Variants in AHCYL2 observed in about 807,000 individuals in gnomAD.
AHCYL2 encodes S-adenosylhomocysteine hydrolase-like protein 2.
AHCYL2 carries 28 observed loss-of-function variants against 81.4 expected under a neutral mutation model. The ratio of observed to expected loss-of-function variants is 0.34; its 90% CI spans 0.25 to 0.47. The LOEUF (loss-of-function observed/expected upper bound fraction) is 0.47. Among genes scored for constraint, AHCYL2 ranks in the 20% least tolerant of loss-of-function variants. AHCYL2 has a pLI of 1.00. For synonymous variants in AHCYL2, 272 were observed against 290.2 expected (o/e 0.94, Z 0.64); for missense variants, 551 against 785.1 (o/e 0.70, Z 3.56).
chr7:129,260,456 T>C (rs1384097189), intron 1 of AHCYL2, among the ~76,000 whole-genome samples: 1 of 152,200 alleles, frequency 6.6e-6, no homozygotes, highest in Non-Finnish European at 1.5e-5. Flanking sequence ...CCAGATAGTC[T>C]CTTCTCCATG....
chr7:129,232,234 A>C (rs527493567), intron 1 of AHCYL2, among the ~76,000 whole-genome samples: 88 of 152,114 alleles, frequency 5.8e-4, no homozygotes, highest in African/African-American at 2.0e-3. Flanking sequence ...CTGAATACTT[A>C]CTCCGTGTCA....
rs1276158473 is a variant in AHCYL2, at chr7:129,306,072, G to A, written c.364-73566G>A. Among the ~76,000 whole-genome samples, 11 of 152,156 alleles carry A rather than the reference G, an allele frequency of 7.2e-5. No homozygotes were observed. In the East Asian group the frequency reaches 1.7e-3, roughly 24 times the overall value. ...GGATATTAAGTGCTTTGAGGTAGTC[G>A]TCCTTGGATTAAATCTGCTTGGTGT... On this transcript the variant is annotated intron_variant, in intron 1 of 16. Coordinates refer to ENST00000325006, the MANE Select transcript of AHCYL2 (RefSeq NM_015328.4).
intron 1 of AHCYL2, among the ~76,000 whole-genome samples, chr7:129,333,913 A>G (rs1275454639): frequency 6.6e-6 from 1 of 152,190 alleles, no homozygotes; most frequent in Non-Finnish European, 1.5e-5. Flanking sequence ...CTTATTGTCT[A>G]ATTATACACA....
At chr7:129,264,008 A>ATATTT (rs773814205) in intron 1 of AHCYL2, among the ~76,000 whole-genome samples, 12 of 152,158 alleles carry the variant, frequency 7.9e-5, no homozygotes, top group East Asian at 3.9e-4. Context: ...AGAGGAGAAG[A>ATATTT]TATTTTATTT....
Position 129,366,841 on chromosome 7 carries a change from A to G in AHCYL2, c.364-12797A>G, listed in dbSNP as rs1794140030. Among the ~76,000 whole-genome samples, 4 of 152,272 alleles carry G rather than the reference A, an allele frequency of 2.6e-5. No homozygotes were observed. The South Asian group carries it at 8.3e-4, about 32-fold the overall frequency. ...AAGATTGAGGATGTGCACTCATGAC[A>G]CAGCCTCAGGAGGTCCTGATGACAT... On this transcript the variant is annotated intron_variant, in intron 1 of 16. Coordinates refer to ENST00000325006, the MANE Select transcript of AHCYL2 (RefSeq NM_015328.4).
Position 129,422,850 on chromosome 7 carries a change from G to A in AHCYL2, c.1472G>A (p.Arg491Gln), listed in dbSNP as rs1045110379. 7 of 1,613,820 alleles carry A rather than the reference G, an allele frequency of 4.3e-6. No homozygotes were observed. Among genetic ancestry groups the A allele is most frequent in the African/African-American group, 1.3e-5 (1 of 74,908 alleles). Residue 491 changes from arginine to glutamine, a missense_variant, in exon 13 of 17, where the codon CGG becomes CAG. By Grantham distance (43) the Arg-to-Gln change is conservative. Around this residue, in one of 2 missense-constraint regions of AHCYL2, gnomAD observed 316 missense variants for 543.1 expected, o/e 0.58. Coordinates refer to ENST00000325006, the MANE Select transcript of AHCYL2 (RefSeq NM_015328.4). ...SNTEIDVASLRTPELTWERVR... is the reference protein window; with the variant it reads ...SNTEIDVASLQTPELTWERVR... ...CTGTATGTGTTCCAGGCGAGTCTGC[G>A]GACACCAGAACTGACCTGGGAGCGA...
chr7:129,357,269 T>C (rs1159740890), intron 1 of AHCYL2, among the ~76,000 whole-genome samples: 2 of 152,308 alleles, frequency 1.3e-5, no homozygotes, highest in South Asian at 2.1e-4. Flanking sequence ...TAATAGTTAA[T>C]AGTATTATTA....
At chr7:129,249,323 A>G (rs745582805) in intron 1 of AHCYL2, among the ~76,000 whole-genome samples, 5 of 151,916 alleles carry the variant, frequency 3.3e-5, no homozygotes, top group Admixed American at 2.0e-4. Flanking sequence ...AAAGTGTACA[A>G]TTCATTGGCA....
At chr7:129,312,222 C>T (rs947683178) in intron 1 of AHCYL2, among the ~76,000 whole-genome samples, 3 of 152,084 alleles carry the variant, frequency 2.0e-5, no homozygotes, top group Non-Finnish European at 2.9e-5. Flanking sequence ...GTAGCTGGGA[C>T]CACAAGCGTT....
chr7:129,377,702 TACAA>T (rs1794755332), intron 1 of AHCYL2: 1 of 429,556 alleles, frequency 2.3e-6, no homozygotes. Context: ...TAGGCAATTA[TACAA>T]ACAGAGAAAA....
chr7:129,357,138 G>A (rs936373950), intron 1 of AHCYL2, among the ~76,000 whole-genome samples: 14 of 152,248 alleles, frequency 9.2e-5, no homozygotes, highest in Non-Finnish European at 1.3e-4. Context: ...AAGCTATCAC[G>A]GATTGGAGGA....
At chr7:129,245,442 A>G (rs1407388511) in intron 1 of AHCYL2, among the ~76,000 whole-genome samples, 1 of 151,970 alleles carries the variant, frequency 6.6e-6, no homozygotes, top group East Asian at 1.9e-4. Context: ...CATCACTACT[A>G]CTCATCTTCT....
intron 1 of AHCYL2, among the ~76,000 whole-genome samples, chr7:129,375,353 A>T (rs1024231414): frequency 1.3e-5 from 2 of 152,046 alleles, no homozygotes; most frequent in East Asian, 3.9e-4. Flanking sequence ...TACTCCTTTA[A>T]TGAAGTCTCT....
At chr7:129,382,234 T>G (rs938102040) in intron 2 of AHCYL2, among the ~76,000 whole-genome samples, 1 of 152,216 alleles carries the variant, frequency 6.6e-6, no homozygotes, top group Admixed American at 6.5e-5. Context: ...CACAACTCTC[T>G]AAATATGACA....
At chr7:129,286,422 A>G (rs571812921) in intron 1 of AHCYL2, among the ~76,000 whole-genome samples, 1 of 151,070 alleles carries the variant, frequency 6.6e-6, no homozygotes, top group Admixed American at 6.6e-5. Flanking sequence ...GACAAATATA[A>G]ATATGAGAGG....
chr7:129,230,079 CTTTTT>C (rs35056717), intron 1 of AHCYL2, among the ~76,000 whole-genome samples: 4 of 109,432 alleles, frequency 3.7e-5, no homozygotes, highest in Admixed American at 3.0e-4. Flanking sequence ...TTATTTAATT[CTTTTT>C]TTTTTTTTTT....
At chr7:129,295,829 T>G in intron 1 of AHCYL2, among the ~76,000 whole-genome samples, 1 of 152,244 alleles carries the variant, frequency 6.6e-6, no homozygotes, top group East Asian at 1.9e-4. Context: ...ATCTTAATCC[T>G]TTATTCTTCC....
intron 1 of AHCYL2, among the ~76,000 whole-genome samples, chr7:129,357,429 A>G (rs570857390): frequency 2.0e-5 from 3 of 152,204 alleles, no homozygotes; most frequent in Non-Finnish European, 4.4e-5. Context: ...TTATTTCAAA[A>G]GAAAATGTTT....
chr7:129,279,203 A>G (rs1184880294), intron 1 of AHCYL2, among the ~76,000 whole-genome samples: 1 of 149,662 alleles, frequency 6.7e-6, no homozygotes, highest in African/African-American at 2.5e-5. Flanking sequence ...TATCTGTACC[A>G]TCTTGTGGAC....
Sources: allele counts gnomAD v4.1 joint callset (sites outside exome capture counted in the v4.1 genomes callset), GRCh38; gene constraint gnomAD v4.1.1; regional missense constraint gnomAD v4.1.1; transcripts MANE v1.5; gene names NCBI Gene and HGNC (gene_info 2026-07-23, HGNC 2026-07-21).